Variants in GBE1 observed in about 807,000 individuals in gnomAD.
GBE1 encodes the protein 1,4-alpha-glucan-branching enzyme.
A neutral mutation model predicts 88.8 loss-of-function variants in GBE1; 70 were observed. The observed-to-expected ratio is 0.79, with a 90% confidence interval of 0.65 to 0.96. The LOEUF is 0.96. Among genes scored for constraint, GBE1 ranks in the 40% least tolerant of loss-of-function variants. The probability of loss-of-function intolerance (pLI) is 0.00; values close to 1 mark genes in which losing one functional copy is unlikely to be tolerated. For synonymous variants in GBE1, 284 were observed against 300.1 expected (o/e 0.95, Z 0.56); for missense variants, 872 against 871.0 (o/e 1.00, Z -0.01).
At chr3:81,558,288 C>A (rs530496478) in intron 12 of GBE1, among the ~76,000 whole-genome samples, 4 of 151,906 alleles carry the variant, frequency 2.6e-5, no homozygotes, top group Non-Finnish European at 4.4e-5. Flanking sequence ...CATGTTCAGT[C>A]CAATGCTTAC....
intron 14 of GBE1, among the ~76,000 whole-genome samples, chr3:81,529,918 GTCTCTCTC>G (rs143064853): frequency 2.5e-4 from 38 of 149,586 alleles, no homozygotes; most frequent in Non-Finnish European, 5.4e-4. Flanking sequence ...GAATGAATCA[GTCTCTCTC>G]TCTCTCTCTC....
In GBE1 at chr3:81,761,596, C is replaced by A; in HGVS notation, c.-79G>T. The A allele has an allele frequency of 6.6e-7, 1 of 1,505,414 alleles. No homozygotes were observed. Among genetic ancestry groups the A allele is most frequent in the Non-Finnish European group, 8.9e-7 (1 of 1,125,700 alleles). The allele number at this position is 1,505,414 out of a possible 1,614,324, so 93.3% of individuals were successfully genotyped here. A position where few individuals can be genotyped will look rare whatever the true frequency, so the allele number is the denominator to read the frequency against. On this transcript the variant is annotated 5_prime_UTR_variant, in exon 1 of 16. Coordinates refer to ENST00000429644, the MANE Select transcript of GBE1 (RefSeq NM_000158.4). ...GGGCGCTGGAGCTCTAGCTGGGACG[C>A]GGCGGCTAGGGCGGAGCCGGAGGGC...
At chr3:81,636,808 G>C (rs1162071065) in intron 7 of GBE1, among the ~76,000 whole-genome samples, 1 of 152,064 alleles carries the variant, frequency 6.6e-6, no homozygotes, top group Non-Finnish European at 1.5e-5. Context: ...GGGATTACAG[G>C]TGTGAGCCGC....
chr3:81,639,184 T>C (rs80153990), intron 7 of GBE1, among the ~76,000 whole-genome samples: 2,304 of 152,264 alleles, frequency 0.015, 75 homozygotes, highest in African/African-American at 0.053. Context: ...GGGTTATGTA[T>C]TTCTATGCAT....
Position 81,733,611 on chromosome 3 carries a change from C to T in GBE1, c.143+27764G>A, listed in dbSNP as rs1706217265. Among the ~76,000 whole-genome samples the T allele has an allele frequency of 6.6e-6, 1 of 152,244 alleles. No individual in the cohort carries two copies. The highest frequency in any genetic ancestry group is 1.5e-5 in the Non-Finnish European group (1 of 68,024). On this transcript the variant is annotated intron_variant, in intron 1 of 15. Coordinates refer to ENST00000429644, the MANE Select transcript of GBE1 (RefSeq NM_000158.4). This position sits in a 1 kb window ranked among gnomAD's most constrained non-coding sequence, Gnocchi z 4.0. ...AGACAGTGCATGACTAATTCCCCTG[C>T]AGGTCTTTCCACAAATGTCAGCTTC...
intron 2 of GBE1, among the ~76,000 whole-genome samples, chr3:81,698,066 GTA>G (rs771192115): frequency 0.016 from 2,311 of 144,136 alleles, 54 homozygotes; most frequent in African/African-American, 0.054. Flanking sequence ...ATATATATGT[GTA>G]TATATATATA....
chr3:81,577,195 G>A (rs776480517), intron 12 of GBE1, among the ~76,000 whole-genome samples: 6 of 151,706 alleles, frequency 4.0e-5, no homozygotes, highest in Non-Finnish European at 8.8e-5. Context: ...TCCTCCCTCA[G>A]CCTCCCAAAG....
At chr3:81,644,001 C>A (rs1704728932) in intron 6 of GBE1, among the ~76,000 whole-genome samples, 2 of 152,096 alleles carry the variant, frequency 1.3e-5, no homozygotes, top group Non-Finnish European at 2.9e-5. Flanking sequence ...GCCACCTATC[C>A]ATTTTTATAC....
At chr3:81,761,263 C>G in intron 1 of GBE1, 112 bp downstream of exon 1, 1 of 1,410,412 alleles carries the variant, frequency 7.1e-7, no homozygotes, top group Non-Finnish European at 9.5e-7. Context: ...CAGGTTCCTC[C>G]CCGCCTGGGG....
chr3:81,621,431 T>A (rs1346328217), intron 7 of GBE1, among the ~76,000 whole-genome samples: 2 of 152,166 alleles, frequency 1.3e-5, no homozygotes, highest in Admixed American at 6.5e-5. Flanking sequence ...GAGGGGATCC[T>A]AAGAGACTGC....
intron 7 of GBE1, among the ~76,000 whole-genome samples, chr3:81,631,283 T>C (rs377416965): frequency 2.6e-5 from 4 of 152,270 alleles, no homozygotes; most frequent in African/African-American, 9.6e-5. Context: ...TGATTAGTAA[T>C]AGCCTTTGGC....
At chr3:81,558,591 G>T (rs1414828512) in intron 12 of GBE1, among the ~76,000 whole-genome samples, 1 of 151,988 alleles carries the variant, frequency 6.6e-6, no homozygotes, top group Admixed American at 6.6e-5. Flanking sequence ...GACAAAACAA[G>T]ATAGCAGTTA....
At chr3:81,580,861 A>G (rs1479542965) in intron 11 of GBE1, among the ~76,000 whole-genome samples, 3 of 152,110 alleles carry the variant, frequency 2.0e-5, no homozygotes, top group Non-Finnish European at 4.4e-5. Flanking sequence ...TTTCTTCATT[A>G]TGACAAGGGA....
intron 12 of GBE1, among the ~76,000 whole-genome samples, chr3:81,568,096 T>C (rs886080658): frequency 6.6e-6 from 1 of 152,210 alleles, no homozygotes; most frequent in Non-Finnish European, 1.5e-5. Flanking sequence ...TCTGTGATCT[T>C]TACGAAGTAT....
Position 81,623,645 on chromosome 3 carries a change from C to CATT in GBE1, c.992+19133_992+19135dup, listed in dbSNP as rs576272985. ...AATTTAGCATATATGGTGTGCCAGACATTATTATTATTATCTGAGACAGCG... is the reference window on the plus strand; with the variant it reads ...AATTTAGCATATATGGTGTGCCAGACATTATTATTATTATTATCTGAGACAGCG... On this transcript the variant is annotated intron_variant, in intron 7 of 15. Coordinates refer to ENST00000429644, the MANE Select transcript of GBE1 (RefSeq NM_000158.4). Among the ~76,000 whole-genome samples the CATT allele has an allele frequency of 1.2e-3, 178 of 152,144 alleles. 1 individual carries two copies. The highest frequency in any genetic ancestry group is 3.5e-3 in the African/African-American group (145 of 41,522).
intron 7 of GBE1, among the ~76,000 whole-genome samples, chr3:81,609,464 C>T (rs2106986681): frequency 6.6e-6 from 1 of 152,220 alleles, no homozygotes; most frequent in African/African-American, 2.4e-5. Flanking sequence ...AGATTTTACT[C>T]TCAGACACGG....
intron 7 of GBE1, among the ~76,000 whole-genome samples, chr3:81,623,381 T>C (rs756977450): frequency 1.3e-5 from 2 of 152,218 alleles, no homozygotes; most frequent in Non-Finnish European, 2.9e-5. Context: ...AGAACGCTTA[T>C]CTTGACCACA....
intron 14 of GBE1, among the ~76,000 whole-genome samples, chr3:81,505,701 G>A (rs1002101032): frequency 3.9e-5 from 6 of 152,096 alleles, no homozygotes; most frequent in Admixed American, 1.3e-4. Flanking sequence ...CATAGATAAT[G>A]TGCAGGTCTG....
At chr3:81,546,286 T>G (rs62265416) in intron 12 of GBE1, among the ~76,000 whole-genome samples, 22,806 of 151,764 alleles carry the variant, frequency 0.15, 1,833 homozygotes, top group Non-Finnish European at 0.2. Flanking sequence ...TACACACACC[T>G]GTACACACTC....
Sources: gnomAD v4.1 joint callset for allele counts (sites outside exome capture counted in the v4.1 genomes callset) on GRCh38, gnomAD v4.1.1 for gene constraint, Gnocchi (gnomAD v3.1) non-coding constraint, MANE v1.5 for transcripts, NCBI Gene and HGNC (gene_info 2026-07-23, HGNC 2026-07-21) for gene names.